INSR: variants seen among roughly 807,000 people sequenced by gnomAD.
INSR encodes the protein IR.
A neutral mutation model predicts 142.6 loss-of-function variants in INSR; 67 were observed. That is an observed-to-expected ratio of 0.47 (90% confidence interval 0.39 to 0.58). The LOEUF (loss-of-function observed/expected upper bound fraction) is 0.58, where lower values mean the gene tolerates loss of function less well. Among genes scored for constraint, INSR ranks in the 20% least tolerant of loss-of-function variants. The pLI, the probability that INSR is intolerant of heterozygous loss-of-function variation, is 0.00. For missense variants in INSR, 1,248 were observed against 1,833.2 expected, an observed-to-expected ratio of 0.68 and a Z score of 5.83; for synonymous variants, 756 against 743.1, an observed-to-expected ratio of 1.02 and a Z score of -0.28.
At chr19:7,172,531 G>A (rs1974042149) in intron 4 of INSR, 97 bp from the exon 5 acceptor site, 1 of 1,313,580 alleles carries the variant, frequency 7.6e-7, no homozygotes, top group African/African-American at 1.4e-5. Flanking sequence ...GGCTGCAAAT[G>A]ACTGGACATA....
chr19:7,153,129 C>CCA (rs200371326), intron 9 of INSR, among the ~76,000 whole-genome samples: 2,457 of 5,562 alleles, frequency 0.44, 517 homozygotes, highest in East Asian at 0.78. Context: ...CACACACACA[C>CCA]CACACACCAC....
intron 6 of INSR, among the ~76,000 whole-genome samples, chr19:7,170,171 C>T (rs865960552): frequency 3.9e-5 from 6 of 152,158 alleles, no homozygotes; most frequent in East Asian, 1.9e-4. Context: ...GTCAGATTAG[C>T]GGCGGCATTA....
At chr19:7,152,471 G>T in intron 10 of INSR, 1 of 537,738 alleles carries the variant, frequency 1.9e-6, no homozygotes, top group Non-Finnish European at 3.4e-6. Flanking sequence ...CAGCTCAGGA[G>T]AGGTAAGAAA....
intron 2 of INSR, among the ~76,000 whole-genome samples, chr19:7,204,224 TTTTTA>T (rs1975042561): frequency 6.6e-6 from 1 of 152,104 alleles, no homozygotes; most frequent in Admixed American, 6.6e-5. Flanking sequence ...TTTTTTTAAT[TTTTTA>T]TTTTTAGTAG....
intron 9 of INSR, among the ~76,000 whole-genome samples, chr19:7,155,559 C>A (rs1241134098): frequency 1.7e-4 from 17 of 101,672 alleles, no homozygotes; most frequent in African/African-American, 2.5e-4. Flanking sequence ...AAAAAAAAAT[C>A]TCTGGAAACC....
rs200275725 is a variant in INSR at position 7,150,450 on chromosome 19, C to T, written c.2267+47G>A. 3.8e-6 allele frequency: 6 copies of T among 1,594,734 alleles called. No homozygotes were observed. The highest frequency in any genetic ancestry group is 3.3e-5 in the Admixed American group (2 of 59,940). On this transcript the variant is annotated intron_variant, in intron 11 of 21. Coordinates refer to ENST00000302850, the MANE Select transcript of INSR (RefSeq NM_000208.4). The surrounding 1 kb of genome is among the most constrained non-coding windows in gnomAD (Gnocchi z 4.2). Reference sequence around the variant, plus strand: ...CCGAGGCATCTGCCTGGCACGCCGCCGGCCCTGCGCGGAGCAGGCACCAGG... The same window carrying T: ...CCGAGGCATCTGCCTGGCACGCCGCTGGCCCTGCGCGGAGCAGGCACCAGG...
rs1425551417 is a variant in INSR, at chr19:7,293,916, C to A, written c.-25G>T. ...TGGCTGCGGGAGCGCGGGGTCTCCT[C>A]GGATCAGAGCGCGCGGCGCTGGCCC... On this transcript the variant is annotated 5_prime_UTR_variant, in exon 1 of 22. Transcript: ENST00000302850. The A allele has an allele frequency of 3.4e-6, 4 of 1,188,398 alleles. No individual in the cohort carries two copies. The highest frequency in any genetic ancestry group is 4.0e-5 in the South Asian group (1 of 25,242). The allele number at this position is 1,188,398 out of a possible 1,614,324, so 73.6% of individuals were successfully genotyped here.
At chr19:7,281,717 A>T (rs1968207954) in intron 1 of INSR, among the ~76,000 whole-genome samples, 1 of 152,140 alleles carries the variant, frequency 6.6e-6, no homozygotes, top group South Asian at 2.1e-4. Context: ...AAATCAATTT[A>T]AAAAAGCAGT....
intron 1 of INSR, among the ~76,000 whole-genome samples, chr19:7,274,974 A>C (rs1296065284): frequency 1.5e-5 from 2 of 132,732 alleles, no homozygotes; most frequent in Non-Finnish European, 3.1e-5. Context: ...GTTAGACAGC[A>C]CTTTTTTTTT....
intron 12 of INSR, among the ~76,000 whole-genome samples, 199 bp from the exon 13 acceptor site, chr19:7,142,015 T>TC (rs1205985924): frequency 6.6e-6 from 1 of 152,078 alleles, no homozygotes; most frequent in East Asian, 1.9e-4. Context: ...TATAACTTTT[T>TC]TTTTTTTTTG....
At chr19:7,143,249 C>A (rs1315613584) in intron 11 of INSR, among the ~76,000 whole-genome samples, 159 bp from the exon 12 acceptor site, 1 of 152,144 alleles carries the variant, frequency 6.6e-6, no homozygotes. Flanking sequence ...CCAGGAATGA[C>A]CACTCAGAGC....
At chr19:7,152,965 G>T in intron 9 of INSR, 38 bp from the exon 10 acceptor site, 1 of 1,478,646 alleles carries the variant, frequency 6.8e-7, no homozygotes. Context: ...TCAAGTCTCT[G>T]CGGCTGAACA....
At chr19:7,274,804 C>CAAAA (rs772807729) in intron 1 of INSR, among the ~76,000 whole-genome samples, 1 of 83,160 alleles carries the variant, frequency 1.2e-5, no homozygotes, top group African/African-American at 4.5e-5. Context: ...GACTGTGTCT[C>CAAAA]AAAAAAAAAA....
chr19:7,136,073 T>A (rs964367263), intron 13 of INSR, among the ~76,000 whole-genome samples: 1 of 152,130 alleles, frequency 6.6e-6, no homozygotes, highest in African/African-American at 2.4e-5. Context: ...TTTCTCCTCA[T>A]CCTCACCGAC....
chr19:7,180,757 A>T (rs1200720211), intron 3 of INSR, among the ~76,000 whole-genome samples: 1 of 152,024 alleles, frequency 6.6e-6, no homozygotes, highest in Non-Finnish European at 1.5e-5. Flanking sequence ...CACAGAGGAA[A>T]GCGGATGTAG....
Position 7,125,610 on chromosome 19 carries a change from C to T in INSR, c.3014-83G>A, listed in dbSNP as rs1972627892. 1 of 1,576,646 alleles carries T rather than the reference C, an allele frequency of 6.3e-7. No individual in the cohort carries two copies. Among genetic ancestry groups the T allele is most frequent in the African/African-American group, 1.3e-5 (1 of 74,418 alleles). On this transcript the variant is annotated intron_variant, in intron 16 of 21. Transcript: ENST00000302850. This position sits in a 1 kb window ranked among gnomAD's most constrained non-coding sequence, Gnocchi z 4.9. The stretch of plus-strand genomic sequence containing the variant: ...CCTTCCACCCAAGCCCTCACCCAAA[C>T]CCCCTCGAAAACACTCATGAAATGA...
At chr19:7,245,198 A>G (rs1035983673) in intron 2 of INSR, among the ~76,000 whole-genome samples, 10 of 152,128 alleles carry the variant, frequency 6.6e-5, no homozygotes, top group Admixed American at 3.3e-4. Context: ...GGCCTCCCCA[A>G]GTGCTGGGAT....
intron 2 of INSR, among the ~76,000 whole-genome samples, chr19:7,198,970 A>T (rs984292040): frequency 1.3e-4 from 20 of 151,808 alleles, no homozygotes; most frequent in African/African-American, 4.8e-4. Context: ...TGCAGCCTCA[A>T]ACTCCTGGGC....
intron 11 of INSR, among the ~76,000 whole-genome samples, chr19:7,146,244 T>TCC (rs1973184027): frequency 6.7e-6 from 1 of 148,166 alleles, no homozygotes; most frequent in Non-Finnish European, 1.5e-5. Context: ...TTCTTTTTTT[T>TCC]TTTTTTTTTT....
Sources: gnomAD v4.1 joint callset for allele counts (sites outside exome capture counted in the v4.1 genomes callset) on GRCh38, gnomAD v4.1.1 for gene constraint, Gnocchi (gnomAD v3.1) non-coding constraint, MANE v1.5 for transcripts, NCBI Gene and HGNC (gene_info 2026-07-23, HGNC 2026-07-21) for gene names.